The following AFF1 variants were observed in gnomAD, a reference collection of about 807,000 sequenced individuals.
The protein encoded by AFF1 is AF4/FMR2 family member 1.
AFF1 carries 48 observed loss-of-function variants against 121.7 expected under a neutral mutation model. The ratio of observed to expected loss-of-function variants is 0.39; its 90% CI spans 0.31 to 0.50. The LOEUF is 0.50. Ranked by LOEUF, AFF1 falls within the 20% of genes least tolerant of loss-of-function variation. AFF1 has a pLI of 0.76. For synonymous variants in AFF1, 613 were observed against 563.0 expected, an observed-to-expected ratio of 1.09 and a Z score of -1.26; for missense variants, 1,523 against 1,511.7, an observed-to-expected ratio of 1.01 and a Z score of -0.12.
intron 2 of AFF1, among the ~76,000 whole-genome samples, chr4:86,984,900 A>C (rs1308695236): frequency 6.6e-6 from 1 of 151,926 alleles, no homozygotes; most frequent in Non-Finnish European, 1.5e-5. Context: ...CCAGCCTGGC[A>C]GCAGAATGAG....
chr4:87,050,104 G>A (rs1444299698), intron 4 of AFF1, among the ~76,000 whole-genome samples: 2 of 152,122 alleles, frequency 1.3e-5, no homozygotes, highest in African/African-American at 4.8e-5. Flanking sequence ...AGAGATGTAG[G>A]ACCAAAAATG....
intron 4 of AFF1, among the ~76,000 whole-genome samples, chr4:87,049,359 T>A (rs1351938217): frequency 6.6e-6 from 1 of 152,198 alleles, no homozygotes; most frequent in Non-Finnish European, 1.5e-5. Flanking sequence ...TAAACCTGTG[T>A]AATTCAGCCC....
chr4:87,140,101 A>G lies in AFF1; in HGVS notation c.*4400A>G, dbSNP rs886453940. 5 of 204,048 alleles carry G rather than the reference A, an allele frequency of 2.5e-5. No homozygotes were observed. Among genetic ancestry groups the G allele is most frequent in the South Asian group, 3.8e-4 (2 of 5,276 alleles). The allele number at this position is 204,048 out of a possible 1,614,324, so 12.6% of individuals were successfully genotyped here. On this transcript the variant is annotated 3_prime_UTR_variant, in exon 21 of 21. Transcript: ENST00000395146. ...CCTACAGCTCCTTGTGAGCCTATAT[A>G]TTAGTATATCGGCCTGGAGAGGACA...
intron 2 of AFF1, among the ~76,000 whole-genome samples, chr4:86,976,893 A>G (rs1441245484): frequency 6.6e-6 from 1 of 152,222 alleles, no homozygotes; most frequent in Non-Finnish European, 1.5e-5. Context: ...TAACACTGAA[A>G]TGATGATAGC....
intron 2 of AFF1, among the ~76,000 whole-genome samples, chr4:86,986,655 AAAG>A (rs751140301): frequency 3.4e-4 from 52 of 152,280 alleles, no homozygotes; most frequent in Admixed American, 9.8e-4. Context: ...TATAGATTAT[AAAG>A]AAGCCTAAGA....
At chr4:87,067,279 T>C (rs1721452350) in intron 4 of AFF1, among the ~76,000 whole-genome samples, 1 of 152,262 alleles carries the variant, frequency 6.6e-6, no homozygotes, top group Admixed American at 6.5e-5. Context: ...GCCGTTTCCA[T>C]GCAACAAGCT....
chr4:87,102,797 G>A (rs558270921), intron 8 of AFF1, among the ~76,000 whole-genome samples: 13 of 152,302 alleles, frequency 8.5e-5, no homozygotes, highest in African/African-American at 2.9e-4. Flanking sequence ...GACTGAGACT[G>A]GGTCTAAGAG....
intron 12 of AFF1, among the ~76,000 whole-genome samples, chr4:87,121,304 A>C (rs1727660235): frequency 6.6e-6 from 1 of 152,214 alleles, no homozygotes; most frequent in South Asian, 2.1e-4. Context: ...GAAAAATCTA[A>C]AGAACAGCAT....
intron 4 of AFF1, among the ~76,000 whole-genome samples, chr4:87,062,655 TAGGA>T (rs1266427423): frequency 5.3e-5 from 8 of 152,222 alleles, no homozygotes; most frequent in Non-Finnish European, 1.5e-5. Flanking sequence ...TAGCCAGTAA[TAGGA>T]AGCCTGTTTT....
intron 2 of AFF1, among the ~76,000 whole-genome samples, chr4:86,955,749 TG>T (rs1197961860): frequency 1.3e-5 from 2 of 151,946 alleles, no homozygotes; most frequent in East Asian, 3.9e-4. Flanking sequence ...CCATTCAGAG[TG>T]GGTACTGAAG....
intron 4 of AFF1, among the ~76,000 whole-genome samples, chr4:87,063,186 A>AT (rs1445131848): frequency 8.8e-6 from 1 of 113,472 alleles, no homozygotes; most frequent in Non-Finnish European, 1.8e-5. Context: ...TATAGCAGTT[A>AT]TTTTAACGTT....
chr4:87,130,321 T>C (rs191680695), intron 16 of AFF1, among the ~76,000 whole-genome samples: 4 of 152,316 alleles, frequency 2.6e-5, no homozygotes, highest in Admixed American at 6.5e-5. Context: ...AAGCAGAAAT[T>C]ACAAATGCTA....
chr4:87,045,522 G>C (rs1730596864), intron 2 of AFF1, among the ~76,000 whole-genome samples: 1 of 152,038 alleles, frequency 6.6e-6, no homozygotes, highest in East Asian at 1.9e-4. Context: ...AGGGCAGTCA[G>C]ATTATAAAGC....
intron 5 of AFF1, among the ~76,000 whole-genome samples, chr4:87,087,312 T>C (rs1350227406): frequency 6.6e-6 from 1 of 152,090 alleles, no homozygotes; most frequent in Non-Finnish European, 1.5e-5. Context: ...GAGAAATACA[T>C]AGTGTTGGGT....
chr4:87,036,356 A>G (rs1249130659), intron 2 of AFF1, among the ~76,000 whole-genome samples: 3 of 152,228 alleles, frequency 2.0e-5, no homozygotes, highest in East Asian at 1.9e-4. Context: ...GACATGTTTT[A>G]TTAACCCCTA....
chr4:87,046,049 C>CA, intron 2 of AFF1, 117 bp from the exon 3 acceptor site: 1 of 1,261,204 alleles, frequency 7.9e-7, no homozygotes, highest in South Asian at 1.4e-5. Context: ...TCACAGCCGT[C>CA]ATCACTGCTT....
At chr4:87,055,368 G>C (rs951849213) in intron 4 of AFF1, among the ~76,000 whole-genome samples, 1 of 152,160 alleles carries the variant, frequency 6.6e-6, no homozygotes, top group East Asian at 1.9e-4. Context: ...TTTTTGGGTG[G>C]TATTAATTGG....
At chr4:87,052,412 A>T (rs746155391) in intron 4 of AFF1, among the ~76,000 whole-genome samples, 7 of 152,012 alleles carry the variant, frequency 4.6e-5, no homozygotes, top group Non-Finnish European at 8.8e-5. Flanking sequence ...CCCTGTCTCA[A>T]CCGCTCCCTC....
intron 12 of AFF1, 60 bp downstream of exon 12, chr4:87,115,359 GTATCTTT>G: frequency 1.4e-5 from 20 of 1,445,606 alleles, no homozygotes; most frequent in Non-Finnish European, 1.6e-5. Flanking sequence ...TGGCCTGGCG[GTATCTTT>G]GATCGGCCTT....
Sources: allele counts gnomAD v4.1 joint callset (sites outside exome capture counted in the v4.1 genomes callset), GRCh38; gene constraint gnomAD v4.1.1; transcripts MANE v1.5; gene names NCBI Gene and HGNC (gene_info 2026-07-23, HGNC 2026-07-21).